GPR158: variants seen among roughly 807,000 people sequenced by gnomAD.
GPR158 encodes G protein-coupled receptor 158.
Under a neutral mutation model 78.2 loss-of-function variants are expected in GPR158, and 30 were observed. The ratio of observed to expected loss-of-function variants is 0.38; its 90% CI spans 0.29 to 0.52. GPR158 has a LOEUF of 0.52. Among genes scored for constraint, GPR158 ranks in the 20% least tolerant of loss-of-function variants. GPR158 has a pLI of 0.83. For missense variants in GPR158, 1,463 were observed against 1,523.5 expected, an observed-to-expected ratio of 0.96 and a Z score of 0.66; for synonymous variants, 581 against 591.1, an observed-to-expected ratio of 0.98 and a Z score of 0.25.
chr10:25,553,343 G>A lies in GPR158; in HGVS notation c.1514+2258G>A, dbSNP rs192016405. ...TTAAAACTATTTTCCCTCTGACTTT[G>A]TATCTCTAGAAGTCATTGCAGTGAA... is the stretch of plus-strand genomic sequence containing the variant. On this transcript the variant is annotated intron_variant, in intron 6 of 10. Transcript: ENST00000376351. Among the ~76,000 whole-genome samples the A allele has an allele frequency of 3.9e-5, 6 of 152,208 alleles. No homozygotes were observed. In the East Asian group the frequency reaches 1.2e-3, roughly 29 times the overall value.
intron 1 of GPR158, among the ~76,000 whole-genome samples, chr10:25,190,856 C>T (rs1588726516): frequency 6.6e-6 from 1 of 152,144 alleles, no homozygotes; most frequent in East Asian, 1.9e-4. Context: ...ATGAAACATA[C>T]ACAACCTACT....
chr10:25,246,185 T>C (rs903336742), intron 2 of GPR158, among the ~76,000 whole-genome samples: 8 of 152,210 alleles, frequency 5.3e-5, no homozygotes, highest in Admixed American at 1.3e-4. Flanking sequence ...ATTTTTAAAA[T>C]AGCTGTGAGG....
chr10:25,440,357 G>A lies in GPR158; in HGVS notation c.1336-26294G>A, dbSNP rs564726708. Among the ~76,000 whole-genome samples the A allele has an allele frequency of 2.6e-5, 4 of 152,042 alleles. No homozygotes were observed. The East Asian group carries it at 7.8e-4, about 29-fold the overall frequency. On this transcript the variant is annotated intron_variant, in intron 4 of 10. Coordinates refer to ENST00000376351, the MANE Select transcript of GPR158 (RefSeq NM_020752.3). ...CATGCCTTGAGCTGGGATCCTTTAG[G>A]GTAGCCAGTAAAAGAGAAAAAAGGC...
At chr10:25,220,733 T>C (rs978898439) in intron 1 of GPR158, among the ~76,000 whole-genome samples, 2 of 152,122 alleles carry the variant, frequency 1.3e-5, no homozygotes, top group Non-Finnish European at 2.9e-5. Flanking sequence ...TATTTTAGAG[T>C]CACATTTTCT....
intron 2 of GPR158, among the ~76,000 whole-genome samples, chr10:25,326,402 AG>A (rs1222912091): frequency 2.0e-5 from 3 of 151,778 alleles, no homozygotes; most frequent in African/African-American, 7.3e-5. Context: ...CTTGCTATTG[AG>A]TTTTTTTGAG....
At chr10:25,421,989 T>A (rs1834758307) in intron 4 of GPR158, among the ~76,000 whole-genome samples, 1 of 152,236 alleles carries the variant, frequency 6.6e-6, no homozygotes, top group Admixed American at 6.5e-5. Context: ...TGTAATTTCT[T>A]GCTTTTGAGT....
chr10:25,420,309 C>G (rs907804153), intron 4 of GPR158, among the ~76,000 whole-genome samples: 1 of 114,322 alleles, frequency 8.7e-6, no homozygotes, highest in African/African-American at 3.1e-5. Context: ...GCCACCAACT[C>G]CAGCTATTTT....
rs140901317 is a variant in GPR158 at position 25,246,670 on chromosome 10, A to G, written c.1008+25513A>G. Among the ~76,000 whole-genome samples, 419 of 152,358 alleles carry G rather than the reference A, an allele frequency of 2.8e-3. 3 individuals are homozygous for G. Among genetic ancestry groups the G allele is most frequent in the African/African-American group, 9.8e-3 (408 of 41,586 alleles). On this transcript the variant is annotated intron_variant, in intron 2 of 10. Transcript: ENST00000376351. ...ATATGGAGCAAACAATGCTTAAGCA[A>G]TGAATGATCAGTAAAGAAACTTCTA...
chr10:25,462,316 A>G (rs886422821), intron 4 of GPR158, among the ~76,000 whole-genome samples: 3 of 152,184 alleles, frequency 2.0e-5, no homozygotes, highest in Non-Finnish European at 4.4e-5. Context: ...TCTCAGAAAA[A>G]GATTCCTTTC....
chr10:25,375,028 G>A (rs187469310), intron 2 of GPR158, among the ~76,000 whole-genome samples: 18 of 151,712 alleles, frequency 1.2e-4, no homozygotes, highest in Admixed American at 7.9e-4. Flanking sequence ...GAGAGATTTA[G>A]TTTCTCTGTA....
rs1853063486 is a variant in GPR158, at chr10:25,207,709, GT to G, written c.903-13341del. Among the ~76,000 whole-genome samples, 8 of 152,248 alleles carry G rather than the reference GT, an allele frequency of 5.3e-5. 1 individual carries two copies. The South Asian group carries it at 1.7e-3, about 32-fold the overall frequency. The stretch of plus-strand genomic sequence containing the variant: ...ACTGGTACCAGTCCATGACCAAGGG[GT>G]TGAGGGACTCCTGGGATAGAGCATA... On this transcript the variant is annotated intron_variant, in intron 1 of 10. Coordinates refer to ENST00000376351, the MANE Select transcript of GPR158 (RefSeq NM_020752.3).
At chr10:25,284,054 T>C (rs1409414036) in intron 2 of GPR158, among the ~76,000 whole-genome samples, 1 of 152,110 alleles carries the variant, frequency 6.6e-6, no homozygotes, top group Non-Finnish European at 1.5e-5. Flanking sequence ...CTGGTTAGTA[T>C]TCCATGAATA....
At chr10:25,522,389 C>G (rs1472290210) in intron 5 of GPR158, among the ~76,000 whole-genome samples, 1 of 152,160 alleles carries the variant, frequency 6.6e-6, no homozygotes, top group Non-Finnish European at 1.5e-5. Context: ...AAATTGTAGG[C>G]TTACTTTTTT....
intron 2 of GPR158, among the ~76,000 whole-genome samples, chr10:25,245,351 T>C (rs1222791547): frequency 1.3e-5 from 2 of 152,178 alleles, no homozygotes. Context: ...AGTCATAGGA[T>C]CATGGGATAT....
At chr10:25,385,512 T>A (rs1482856915) in intron 2 of GPR158, among the ~76,000 whole-genome samples, 1 of 152,128 alleles carries the variant, frequency 6.6e-6, no homozygotes, top group African/African-American at 2.4e-5. Context: ...ATATAGTAAT[T>A]CTGTTTTTAA....
chr10:25,515,740 G>A, intron 5 of GPR158, among the ~76,000 whole-genome samples: 1 of 146,806 alleles, frequency 6.8e-6, no homozygotes, highest in Non-Finnish European at 1.5e-5. Context: ...TGGTGTATAT[G>A]TGCCACATTT....
At chr10:25,284,895 T>G (rs1464192267) in intron 2 of GPR158, among the ~76,000 whole-genome samples, 3 of 152,204 alleles carry the variant, frequency 2.0e-5, no homozygotes, top group African/African-American at 4.8e-5. Flanking sequence ...ATTTTTTTCC[T>G]AATTACTTCT....
chr10:25,569,580 T>C (rs1414047), intron 6 of GPR158, among the ~76,000 whole-genome samples: 27,808 of 152,088 alleles, frequency 0.18, 4,925 homozygotes, highest in African/African-American at 0.46. Flanking sequence ...TGCTGGGTAT[T>C]GAGAACCAAA....
chr10:25,517,513 A>T (rs1836195889), intron 5 of GPR158, among the ~76,000 whole-genome samples: 1 of 152,208 alleles, frequency 6.6e-6, no homozygotes, highest in Non-Finnish European at 1.5e-5. Context: ...TGGGTTTGTC[A>T]TAGACAGCTC....
Sources: gnomAD v4.1 joint callset for allele counts (sites outside exome capture counted in the v4.1 genomes callset) on GRCh38, gnomAD v4.1.1 for gene constraint, MANE v1.5 for transcripts, NCBI Gene and HGNC (gene_info 2026-07-23, HGNC 2026-07-21) for gene names.